Variants in OPCML observed in about 807,000 individuals in gnomAD.
OPCML encodes opioid binding protein/cell adhesion molecule like.
In OPCML, 13 loss-of-function variants were observed where a neutral mutation model predicts 37.8. The ratio of observed to expected loss-of-function variants is 0.34; its 90% CI spans 0.22 to 0.55. The LOEUF (loss-of-function observed/expected upper bound fraction) is 0.55, where lower values mean the gene tolerates loss of function less well. OPCML is among the 20% of genes least tolerant of loss of function. The probability of loss-of-function intolerance (pLI) is 0.91; values close to 1 mark genes in which losing one functional copy is unlikely to be tolerated. For synonymous variants in OPCML, 176 were observed against 168.8 expected (o/e 1.04, Z -0.33); for missense variants, 341 against 435.6 (o/e 0.78, Z 1.93).
At chr11:133,184,173 A>G (rs775276430) in intron 1 of OPCML, among the ~76,000 whole-genome samples, 1 of 152,112 alleles carries the variant, frequency 6.6e-6, no homozygotes, top group Admixed American at 6.6e-5. Context: ...CCATTTGTCT[A>G]TTTCCTCACT....
At chr11:133,135,868 T>G (rs541235018) in intron 1 of OPCML, among the ~76,000 whole-genome samples, 1 of 152,354 alleles carries the variant, frequency 6.6e-6, no homozygotes, top group African/African-American at 2.4e-5. Context: ...GGATAAGTTA[T>G]CTTGGAACCA....
chr11:133,239,068 C>T (rs1342257262), intron 1 of OPCML, among the ~76,000 whole-genome samples: 4 of 152,302 alleles, frequency 2.6e-5, no homozygotes, highest in South Asian at 4.1e-4. Context: ...GCCAGGTCTT[C>T]GTCAAAGTCA....
chr11:132,583,983 A>G (rs1325486498), intron 3 of OPCML, among the ~76,000 whole-genome samples: 3 of 152,202 alleles, frequency 2.0e-5, no homozygotes, highest in South Asian at 2.1e-4. Flanking sequence ...GAAAGGACTT[A>G]GGAAATGTGG....
intron 1 of OPCML, among the ~76,000 whole-genome samples, chr11:133,427,000 G>A (rs187511565): frequency 6.6e-6 from 1 of 152,252 alleles, no homozygotes; most frequent in East Asian, 1.9e-4. Context: ...CAAACAAACT[G>A]TTGGCAGTAT....
chr11:133,183,279 A>G (rs1937923223), intron 1 of OPCML, among the ~76,000 whole-genome samples: 1 of 152,206 alleles, frequency 6.6e-6, no homozygotes, highest in Non-Finnish European at 1.5e-5. Context: ...CTGCTGGATA[A>G]AGCAGAGACA....
chr11:133,270,134 T>A (rs1941784161), intron 1 of OPCML, among the ~76,000 whole-genome samples: 2 of 152,232 alleles, frequency 1.3e-5, no homozygotes, highest in Admixed American at 1.3e-4. Context: ...GCTACTCTGT[T>A]AATTTTTATG....
chr11:133,493,129 G>C (rs541627268), intron 1 of OPCML, among the ~76,000 whole-genome samples: 59 of 152,354 alleles, frequency 3.9e-4, no homozygotes, highest in African/African-American at 1.4e-3. Context: ...GCGCAGGATT[G>C]AGGAGCTCAT....
At chr11:133,530,156 G>C (rs995437608) in intron 1 of OPCML, among the ~76,000 whole-genome samples, 1 of 152,118 alleles carries the variant, frequency 6.6e-6, no homozygotes, top group African/African-American at 2.4e-5. Context: ...GTCAGGCAGG[G>C]GTGCAGGTTC....
At chr11:132,559,173 A>G (rs2096404918) in intron 3 of OPCML, among the ~76,000 whole-genome samples, 1 of 151,946 alleles carries the variant, frequency 6.6e-6, no homozygotes, top group Non-Finnish European at 1.5e-5. Flanking sequence ...AGGGGAGGGG[A>G]AAGAGAGGGA....
intron 3 of OPCML, among the ~76,000 whole-genome samples, chr11:132,622,114 C>T (rs1443144732): frequency 1.3e-5 from 2 of 151,904 alleles, no homozygotes; most frequent in Non-Finnish European, 2.9e-5. Context: ...AAAATATTTG[C>T]TTTCTGTTCC....
intron 4 of OPCML, among the ~76,000 whole-genome samples, chr11:132,497,425 A>AAG (rs1195207948): frequency 6.6e-6 from 1 of 151,994 alleles, no homozygotes; most frequent in African/African-American, 2.4e-5. Context: ...ACAAAAAAAA[A>AAG]AAAAAGAAAA....
chr11:132,493,967 T>C (rs568496292), intron 4 of OPCML, among the ~76,000 whole-genome samples: 1 of 152,304 alleles, frequency 6.6e-6, no homozygotes, highest in South Asian at 2.1e-4. Context: ...CAACCTCTGC[T>C]GGAGCTTCCT....
At chr11:133,091,716 C>A (rs1475924098) in intron 1 of OPCML, among the ~76,000 whole-genome samples, 1 of 152,138 alleles carries the variant, frequency 6.6e-6, no homozygotes, top group Non-Finnish European at 1.5e-5. Context: ...ATTTCAAAAG[C>A]ATATAATTTG....
At chr11:133,204,896 A>ATGTGTG (rs1190702514) in intron 1 of OPCML, among the ~76,000 whole-genome samples, 12 of 136,522 alleles carry the variant, frequency 8.8e-5, no homozygotes, top group Non-Finnish European at 1.6e-4. Context: ...ATATATATAT[A>ATGTGTG]TATATATATA....
At chr11:132,820,497 G>GTGTGTGT (rs763790501) in intron 2 of OPCML, among the ~76,000 whole-genome samples, 2,417 of 151,976 alleles carry the variant, frequency 0.016, 27 homozygotes, top group Middle Eastern at 0.031. Context: ...ATATATATGT[G>GTGTGTGT]GTGTGTGTGT....
intron 3 of OPCML, among the ~76,000 whole-genome samples, chr11:132,626,927 T>C: frequency 6.6e-6 from 1 of 151,132 alleles, no homozygotes; most frequent in East Asian, 1.9e-4. Context: ...TAAAGCTTTA[T>C]ATATATAGCT....
At chr11:133,394,645 G>A (rs1279605689) in intron 1 of OPCML, among the ~76,000 whole-genome samples, 3 of 145,706 alleles carry the variant, frequency 2.1e-5, no homozygotes, top group Admixed American at 6.6e-5. Context: ...ACAAATAAAT[G>A]AGAACATGAG....
intron 1 of OPCML, among the ~76,000 whole-genome samples, chr11:133,337,922 G>T (rs2136663458): frequency 6.6e-6 from 1 of 152,016 alleles, no homozygotes; most frequent in East Asian, 2.0e-4. Flanking sequence ...TTTCCAAGTG[G>T]TTTCTGTCTC....
At chr11:133,157,148 G>A (rs1331769609) in intron 1 of OPCML, among the ~76,000 whole-genome samples, 1 of 152,146 alleles carries the variant, frequency 6.6e-6, no homozygotes. Flanking sequence ...TGAAGCTAAT[G>A]AGCAAAATAG....
Sources: gnomAD v4.1 joint callset for allele counts (sites outside exome capture counted in the v4.1 genomes callset) on GRCh38, gnomAD v4.1.1 for gene constraint, MANE v1.5 for transcripts, NCBI Gene and HGNC (gene_info 2026-07-23, HGNC 2026-07-21) for gene names.